The following MICAL2 variants were observed in gnomAD, a reference collection of about 807,000 sequenced individuals.
The protein encoded by MICAL2 is [F-actin]-monooxygenase MICAL2.
A neutral mutation model predicts 127.3 loss-of-function variants in MICAL2; 77 were observed. That is an observed-to-expected ratio of 0.60 (90% CI 0.50 to 0.73). The LOEUF is 0.73. MICAL2 is among the 30% of genes least tolerant of loss of function. The pLI is 0.00. For synonymous variants in MICAL2, 570 were observed against 551.1 expected (o/e 1.03, Z -0.48); for missense variants, 1,351 against 1,434.4 (o/e 0.94, Z 0.94).
chr11:12,182,584 A>G (rs533604540), intron 3 of MICAL2, among the ~76,000 whole-genome samples: 2 of 152,172 alleles, frequency 1.3e-5, no homozygotes, highest in African/African-American at 4.8e-5. Context: ...CTTGTGTGAT[A>G]TGAGAGATTT....
At chr11:12,175,207 G>A (rs943080140) in intron 3 of MICAL2, among the ~76,000 whole-genome samples, 2 of 152,254 alleles carry the variant, frequency 1.3e-5, no homozygotes, top group East Asian at 3.9e-4. Flanking sequence ...CGAGCACGAT[G>A]GCTCACGTCT....
upstream of MICAL2, among the ~76,000 whole-genome samples, chr11:12,272,822 C>CAA (rs1863687596): frequency 6.7e-6 from 1 of 150,038 alleles, no homozygotes; most frequent in African/African-American, 2.5e-5. Flanking sequence ...CCACCTGCGA[C>CAA]AAGTTCTTTT....
At chr11:12,131,941 G>A (rs542147932) in intron 1 of MICAL2, among the ~76,000 whole-genome samples, 1 of 152,304 alleles carries the variant, frequency 6.6e-6, no homozygotes, top group South Asian at 2.1e-4. Context: ...GGCAGCCTTT[G>A]TTATTCTTTG....
Position 12,216,287 on chromosome 11 carries a change from C to A in MICAL2, c.916C>A (p.Gln306Lys). The A allele has an allele frequency of 1.2e-6, 2 of 1,614,018 alleles. No individual in the cohort carries two copies. The highest frequency in any genetic ancestry group is 1.7e-6 in the Non-Finnish European group (2 of 1,179,928). Residue 306 changes from glutamine to lysine, a missense_variant, in exon 8 of 28, where the codon CAG becomes AAG. Gln to Lys is a moderately conservative substitution (Grantham distance 53). Around this residue, in one of 2 missense-constraint regions of MICAL2, gnomAD observed 599 missense variants for 714.9 expected, o/e 0.84. Coordinates refer to ENST00000683283, the MANE Select transcript of MICAL2 (RefSeq NM_001282663.2). ...THYFVMTAKK[Q>K]SLLDKGVIIN... ...CTATTTTGTAATGACAGCCAAGAAG[C>A]AGAGCCTGCTCGACAAAGGTGTCAT...
At chr11:12,265,111 C>G (rs1181333345), downstream of MICAL2, among the ~76,000 whole-genome samples, 1 of 152,200 alleles carries the variant, frequency 6.6e-6, no homozygotes, top group African/African-American at 2.4e-5. Flanking sequence ...AGTCCATGAT[C>G]ACAACATTTG....
At chr11:12,361,380 C>T (rs1406853203), downstream of MICAL2, among the ~76,000 whole-genome samples, 2 of 152,140 alleles carry the variant, frequency 1.3e-5, no homozygotes, top group Admixed American at 1.3e-4. Context: ...AACTCCACCT[C>T]CAAATAAATA....
downstream of MICAL2, chr11:12,294,354 G>A (rs770445442): frequency 6.2e-7 from 1 of 1,614,220 alleles, no homozygotes; most frequent in Non-Finnish European, 8.5e-7. Flanking sequence ...GCACAGGCCT[G>A]CACTCGCTCA....
chr11:12,278,984 T>A (rs990505856), intron 1 of MICAL2, among the ~76,000 whole-genome samples: 1 of 152,180 alleles, frequency 6.6e-6, no homozygotes, highest in Non-Finnish European at 1.5e-5. Flanking sequence ...TTTTAGAGGC[T>A]ATTAAAGCCC....
chr11:12,300,656 A>T (rs1864036797), intron 29 of MICAL2, among the ~76,000 whole-genome samples: 1 of 152,266 alleles, frequency 6.6e-6, no homozygotes, highest in South Asian at 2.1e-4. Context: ...CCCTCTAACC[A>T]CTAGGAAGTG....
chr11:12,292,037 T>G (rs1473750304), downstream of MICAL2: 4 of 1,362,340 alleles, frequency 2.9e-6, no homozygotes, highest in Non-Finnish European at 3.0e-6. Context: ...TCTGACATCT[T>G]CCTCTTTCTG....
intron 3 of MICAL2, among the ~76,000 whole-genome samples, chr11:12,182,580 T>C (rs1021885653): frequency 1.3e-5 from 2 of 152,182 alleles, no homozygotes; most frequent in Non-Finnish European, 2.9e-5. Context: ...CCCTCTTGTG[T>C]GATATGAGAG....
chr11:12,133,530 A>G (rs1445377379), intron 1 of MICAL2, among the ~76,000 whole-genome samples: 2 of 152,204 alleles, frequency 1.3e-5, no homozygotes, highest in East Asian at 3.8e-4. Context: ...TAAGTGAGAC[A>G]AGCAACGATA....
chr11:12,356,730 T>C (rs970490602), intron 34 of MICAL2, among the ~76,000 whole-genome samples: 1 of 152,210 alleles, frequency 6.6e-6, no homozygotes, highest in African/African-American at 2.4e-5. Context: ...GGGAACCCTG[T>C]GGCAGGTCCA....
At chr11:12,146,958 G>A (rs958570196) in intron 2 of MICAL2, among the ~76,000 whole-genome samples, 10 of 152,080 alleles carry the variant, frequency 6.6e-5, no homozygotes, top group African/African-American at 2.4e-4. Context: ...ACTATTGCAA[G>A]GACAGAAAAC....
At chr11:12,245,642 C>T (rs1860630286) in intron 21 of MICAL2, among the ~76,000 whole-genome samples, 1 of 152,248 alleles carries the variant, frequency 6.6e-6, no homozygotes, top group African/African-American at 2.4e-5. Context: ...CAGCCACCTG[C>T]TCCAGGTCAG....
At chr11:12,143,476 T>C (rs1171375820) in intron 2 of MICAL2, among the ~76,000 whole-genome samples, 1 of 152,228 alleles carries the variant, frequency 6.6e-6, no homozygotes, top group Non-Finnish European at 1.5e-5. Context: ...AGCTGCCTGA[T>C]GGATGTTTCC....
intron 3 of MICAL2, among the ~76,000 whole-genome samples, chr11:12,176,419 G>T (rs1173880862): frequency 6.6e-6 from 1 of 152,160 alleles, no homozygotes; most frequent in Non-Finnish European, 1.5e-5. Context: ...AACATATTAA[G>T]TGCCCAGCAA....
chr11:12,139,309 C>T (rs1211264961), intron 2 of MICAL2, among the ~76,000 whole-genome samples: 2 of 152,196 alleles, frequency 1.3e-5, no homozygotes, highest in Admixed American at 6.5e-5. Flanking sequence ...TACAGAAAGC[C>T]ATGAGTCAGA....
intron 29 of MICAL2, among the ~76,000 whole-genome samples, chr11:12,313,570 T>C (rs1183827167): frequency 1.3e-5 from 2 of 152,400 alleles, no homozygotes; most frequent in East Asian, 3.8e-4. Flanking sequence ...ATGTTTCTTA[T>C]GTACTTCAAA....
Sources: allele counts gnomAD v4.1 joint callset (sites outside exome capture counted in the v4.1 genomes callset), GRCh38; gene constraint gnomAD v4.1.1; regional missense constraint gnomAD v4.1.1; transcripts MANE v1.5; gene names NCBI Gene and HGNC (gene_info 2026-07-23, HGNC 2026-07-21).